Variants in HHIP observed in about 807,000 individuals in gnomAD.
HHIP encodes hedgehog-interacting protein.
Under a neutral mutation model 74.0 loss-of-function variants are expected in HHIP, and 12 were observed. That is an observed-to-expected ratio of 0.16 (90% CI 0.10 to 0.26). The LOEUF is 0.26. Among genes scored for constraint, HHIP ranks in the 10% least tolerant of loss-of-function variants. The pLI is 1.00. For synonymous variants in HHIP, 309 were observed against 311.6 expected, an observed-to-expected ratio of 0.99 and a Z score of 0.09; for missense variants, 788 against 845.0, an observed-to-expected ratio of 0.93 and a Z score of 0.84.
At chr4:144,668,176 G>A (rs1728928866) in intron 4 of HHIP, among the ~76,000 whole-genome samples, 1 of 152,026 alleles carries the variant, frequency 6.6e-6, no homozygotes, top group African/African-American at 2.4e-5. Context: ...AACTAGCCGG[G>A]TATGGTGGCA....
At chr4:144,683,327 AAAT>A (rs1319570808) in intron 4 of HHIP, among the ~76,000 whole-genome samples, 6 of 152,212 alleles carry the variant, frequency 3.9e-5, no homozygotes, top group African/African-American at 1.4e-4. Context: ...TATAAGAAAT[AAAT>A]AATAAGTCGG....
chr4:144,678,562 G>A (rs1729236885), intron 4 of HHIP, among the ~76,000 whole-genome samples: 1 of 151,880 alleles, frequency 6.6e-6, no homozygotes, highest in African/African-American at 2.4e-5. Flanking sequence ...CCCCTGACAG[G>A]CCTCGGTGTG....
intron 4 of HHIP, among the ~76,000 whole-genome samples, chr4:144,703,844 C>T (rs1418703206): frequency 6.6e-6 from 1 of 152,140 alleles, no homozygotes; most frequent in Non-Finnish European, 1.5e-5. Context: ...CTCTAACTGA[C>T]CCTGGTCTAA....
intron 4 of HHIP, among the ~76,000 whole-genome samples, chr4:144,668,681 G>A (rs750918168): frequency 3.3e-5 from 5 of 152,072 alleles, no homozygotes; most frequent in Admixed American, 1.3e-4. Context: ...GAACCTGGGA[G>A]GCAGACGGTG....
intron 4 of HHIP, among the ~76,000 whole-genome samples, chr4:144,701,406 A>G (rs1729981662): frequency 6.6e-6 from 1 of 151,964 alleles, no homozygotes; most frequent in South Asian, 2.1e-4. Context: ...AAGTTACCAA[A>G]AGTATTTATT....
At chr4:144,690,833 C>A (rs950640362) in intron 4 of HHIP, among the ~76,000 whole-genome samples, 1 of 151,952 alleles carries the variant, frequency 6.6e-6, no homozygotes, top group Admixed American at 6.6e-5. Flanking sequence ...CCAACAGAAA[C>A]AAAAAACTCT....
At chr4:144,668,043 C>A (rs923321540) in intron 4 of HHIP, among the ~76,000 whole-genome samples, 1 of 151,906 alleles carries the variant, frequency 6.6e-6, no homozygotes, top group African/African-American at 2.4e-5. Context: ...TCAGGCCAGG[C>A]GCAGTGGCTC....
At chr4:144,720,188 C>T (rs193094825) in intron 11 of HHIP, among the ~76,000 whole-genome samples, 292 of 152,064 alleles carry the variant, frequency 1.9e-3, no homozygotes, top group African/African-American at 6.7e-3. Flanking sequence ...AAATTAATGA[C>T]CTCCATAAGA....
At chr4:144,723,368 T>C (rs891757127) in intron 11 of HHIP, among the ~76,000 whole-genome samples, 8 of 152,118 alleles carry the variant, frequency 5.3e-5, no homozygotes, top group African/African-American at 1.9e-4. Flanking sequence ...CTTACTGCCC[T>C]TTGTCTATTG....
intron 11 of HHIP, among the ~76,000 whole-genome samples, chr4:144,722,825 C>A (rs964891066): frequency 1.3e-5 from 2 of 151,916 alleles, no homozygotes; most frequent in Admixed American, 6.6e-5. Flanking sequence ...CTGCACACTG[C>A]AGCCTGGGCA....
intron 2 of HHIP, among the ~76,000 whole-genome samples, chr4:144,655,648 C>T (rs1728539399): frequency 6.6e-6 from 1 of 152,058 alleles, no homozygotes; most frequent in Admixed American, 6.6e-5. Context: ...TCTTCTTAGT[C>T]CCAAGGAGAG....
chr4:144,719,716 A>G (rs1730575888), intron 11 of HHIP, among the ~76,000 whole-genome samples: 1 of 152,228 alleles, frequency 6.6e-6, no homozygotes, highest in South Asian at 2.1e-4. Flanking sequence ...ACAGCTAATC[A>G]TAACAAAACC....
Position 144,738,241 on chromosome 4 carries a change from T to C in HHIP, c.*284T>C, listed in dbSNP as rs1041229580. On this transcript the variant is annotated 3_prime_UTR_variant, in exon 13 of 13. Transcript: ENST00000296575. ...AAAGTAATTTACACAGAAATTCCAT[T>C]GTAAATTGATAATGGATTTTTTATG... The C allele has an allele frequency of 2.0e-6, 2 of 1,014,390 alleles. No individual in the cohort carries two copies. The highest frequency in any genetic ancestry group is 3.4e-5 in the African/African-American group (2 of 58,592). 62.8% of individuals were successfully genotyped at this position (1,014,390 alleles called of 1,614,324 possible). A position where few individuals can be genotyped will look rare whatever the true frequency, so the allele number is the denominator to read the frequency against.
chr4:144,705,976 C>G (rs1383891539), intron 4 of HHIP, among the ~76,000 whole-genome samples: 1 of 152,168 alleles, frequency 6.6e-6, no homozygotes, highest in Non-Finnish European at 1.5e-5. Context: ...CTGCCTATTA[C>G]CTAGCTATGA....
chr4:144,730,830 A>G (rs1459701885), intron 11 of HHIP, among the ~76,000 whole-genome samples: 1 of 152,158 alleles, frequency 6.6e-6, no homozygotes, highest in Non-Finnish European at 1.5e-5. Flanking sequence ...TCACCATTAC[A>G]AAGAGTTATT....
At chr4:144,725,538 G>A (rs1170214664) in intron 11 of HHIP, among the ~76,000 whole-genome samples, 3 of 152,264 alleles carry the variant, frequency 2.0e-5, no homozygotes, top group African/African-American at 7.2e-5. Flanking sequence ...CTTTATAAGT[G>A]GGGAAATGGA....
At chr4:144,652,105 A>G (rs1318357269) in intron 1 of HHIP, among the ~76,000 whole-genome samples, 1 of 152,132 alleles carries the variant, frequency 6.6e-6, no homozygotes, top group Non-Finnish European at 1.5e-5. Context: ...AAACTAATTG[A>G]AATTTTAAAA....
chr4:144,687,555 G>A (rs1300543186), intron 4 of HHIP, among the ~76,000 whole-genome samples: 3 of 152,040 alleles, frequency 2.0e-5, no homozygotes, highest in African/African-American at 7.2e-5. Flanking sequence ...ATAGTGTAGT[G>A]AGCCTTATGT....
chr4:144,708,439 A>C (rs1730207867), intron 7 of HHIP, 128 bp downstream of exon 7: 1 of 810,278 alleles, frequency 1.2e-6, no homozygotes, highest in African/African-American at 1.7e-5. Flanking sequence ...CATGCCTCTA[A>C]AGTCACAACA....
Sources: gnomAD v4.1 joint callset for allele counts (sites outside exome capture counted in the v4.1 genomes callset) on GRCh38, gnomAD v4.1.1 for gene constraint, MANE v1.5 for transcripts, NCBI Gene and HGNC (gene_info 2026-07-23, HGNC 2026-07-21) for gene names.